SPAG17: variants seen among roughly 807,000 people sequenced by gnomAD.
The protein encoded by SPAG17 is sperm associated antigen 17, also known as sperm-associated antigen 17.
In SPAG17, 169 loss-of-function variants were observed where a neutral mutation model predicts 273.6. That is an observed-to-expected ratio of 0.62 (90% confidence interval 0.55 to 0.70). The LOEUF is 0.70. Ranked by LOEUF, SPAG17 falls within the 30% of genes least tolerant of loss-of-function variation. The probability of loss-of-function intolerance (pLI) is 0.00; values close to 1 mark genes in which losing one functional copy is unlikely to be tolerated. For missense variants in SPAG17, 2,557 were observed against 2,627.8 expected (o/e 0.97, Z 0.59); for synonymous variants, 825 against 873.2 (o/e 0.94, Z 0.97).
At chr1:118,054,504 T>C (rs1161727963) in intron 19 of SPAG17, among the ~76,000 whole-genome samples, 1 of 152,108 alleles carries the variant, frequency 6.6e-6, no homozygotes, top group East Asian at 1.9e-4. Flanking sequence ...TTTCCGTACT[T>C]GAGAGACCTG....
At position 118,184,452 on chromosome 1, in the gene SPAG17, C is replaced by T. The variant is rs547173806; in HGVS notation, c.87+619G>A. 3.9e-5 allele frequency among the ~76,000 whole-genome samples: 6 copies of T among 152,232 alleles called. No homozygotes were observed. The South Asian group carries it at 1.2e-3, about 32-fold the overall frequency. On this transcript the variant is annotated intron_variant, in intron 1 of 48. Coordinates refer to ENST00000336338, the MANE Select transcript of SPAG17 (RefSeq NM_206996.4). ...CCTGTGGTAGGTGGTTTGTAGATTG[C>T]CTGGTGCCTTTGTGGCATTCTGTGG...
At chr1:118,151,879 A>ATC (rs1659406067) in intron 1 of SPAG17, among the ~76,000 whole-genome samples, 1 of 152,220 alleles carries the variant, frequency 6.6e-6, no homozygotes, top group South Asian at 2.1e-4. Flanking sequence ...TAACACAGGA[A>ATC]TCTTACTGCT....
chr1:118,139,791 G>A (rs1658568231), intron 3 of SPAG17, among the ~76,000 whole-genome samples: 1 of 151,952 alleles, frequency 6.6e-6, no homozygotes, highest in African/African-American at 2.4e-5. Flanking sequence ...CAGAGACTGG[G>A]GGGTGGGGGG....
intron 4 of SPAG17, among the ~76,000 whole-genome samples, chr1:118,112,235 G>C (rs749102747): frequency 6.6e-6 from 1 of 151,564 alleles, no homozygotes; most frequent in Non-Finnish European, 1.5e-5. Flanking sequence ...TACAAAAGTT[G>C]AAGTTAAAAA....
At position 117,971,881 on chromosome 1, in the gene SPAG17, A is replaced by G; in HGVS notation, c.6308T>C (p.Val2103Ala). The G allele has an allele frequency of 6.2e-7, 1 of 1,613,460 alleles. No homozygotes were observed. The highest frequency in any genetic ancestry group is 8.5e-7 in the Non-Finnish European group (1 of 1,179,728). Residue 2103 changes from valine to alanine, a missense_variant, in exon 45 of 49, where the codon GTT (valine) becomes GCT (alanine). Coordinates refer to ENST00000336338, the MANE Select transcript of SPAG17 (RefSeq NM_206996.4). ...TYATVVKLKNVGVDFCRFKVK... is the reference protein window; with the variant it reads ...TYATVVKLKNAGVDFCRFKVK... Reference sequence around the variant, plus strand: ...GCCTCACCTGCAGAAGTCCACTCCAACATTCTTGAGCTTTACAACTGTGGC... The same window carrying G: ...GCCTCACCTGCAGAAGTCCACTCCAGCATTCTTGAGCTTTACAACTGTGGC...
intron 43 of SPAG17, among the ~76,000 whole-genome samples, chr1:117,979,613 C>A (rs1040220931): frequency 2.0e-5 from 3 of 152,136 alleles, no homozygotes; most frequent in African/African-American, 7.2e-5. Flanking sequence ...ATGTAACTAC[C>A]CTGCTCAAAA....
chr1:118,144,412 CT>C (rs1179793086), intron 3 of SPAG17, among the ~76,000 whole-genome samples: 1 of 152,196 alleles, frequency 6.6e-6, no homozygotes, highest in Non-Finnish European at 1.5e-5. Context: ...ATTACTATTT[CT>C]CCTCTTCTTT....
chr1:118,061,358 C>G (rs1459839662), intron 18 of SPAG17, among the ~76,000 whole-genome samples: 1 of 152,102 alleles, frequency 6.6e-6, no homozygotes, highest in Admixed American at 6.6e-5. Flanking sequence ...TAGCATTCAG[C>G]CTTAAAAAGG....
chr1:117,954,014 G>GTAAT lies in SPAG17; in HGVS notation c.*35_*36insATTA. On this transcript the variant is annotated 3_prime_UTR_variant, in exon 49 of 49. Coordinates refer to ENST00000336338, the MANE Select transcript of SPAG17 (RefSeq NM_206996.4). Reference sequence around the variant, plus strand: ...CTTTCTCATCCTCTGTAGGCTGAGAGGATTATGGAGGCTATTGAGTTGTAC... The same window carrying GTAAT: ...CTTTCTCATCCTCTGTAGGCTGAGAGTAATGATTATGGAGGCTATTGAGTTGTAC... 6.2e-7 allele frequency: 1 copy of GTAAT among 1,611,140 alleles called. No individual in the cohort carries two copies. The highest frequency in any genetic ancestry group is 8.5e-7 in the Non-Finnish European group (1 of 1,178,430).
At chr1:118,056,895 T>C (rs1651741521) in intron 18 of SPAG17, among the ~76,000 whole-genome samples, 2 of 152,190 alleles carry the variant, frequency 1.3e-5, no homozygotes, top group Admixed American at 6.5e-5. Flanking sequence ...CTGGCATTTT[T>C]AGTTGATGGC....
intron 28 of SPAG17, among the ~76,000 whole-genome samples, chr1:118,019,974 A>G (rs1285009579): frequency 6.6e-6 from 1 of 152,252 alleles, no homozygotes; most frequent in African/African-American, 2.4e-5. Context: ...TTATTAAAAT[A>G]TTCACCTATT....
At chr1:118,021,869 G>T (rs1660530761) in intron 28 of SPAG17, among the ~76,000 whole-genome samples, 1 of 152,050 alleles carries the variant, frequency 6.6e-6, no homozygotes, top group Admixed American at 6.6e-5. Flanking sequence ...ACAAAAGAGG[G>T]AACCCTTGAG....
chr1:118,089,782 C>T (rs992209637), intron 10 of SPAG17, among the ~76,000 whole-genome samples: 5 of 152,192 alleles, frequency 3.3e-5, no homozygotes, highest in South Asian at 2.1e-4. Flanking sequence ...ATGGGTGATA[C>T]GGTTTGGCTC....
At chr1:117,969,079 T>C (rs928139269) in intron 46 of SPAG17, among the ~76,000 whole-genome samples, 1 of 152,228 alleles carries the variant, frequency 6.6e-6, no homozygotes, top group Non-Finnish European at 1.5e-5. Flanking sequence ...AAGACAAATG[T>C]GACTTTATTT....
At chr1:118,045,954 G>A (rs1006926354) in intron 20 of SPAG17, among the ~76,000 whole-genome samples, 3 of 152,146 alleles carry the variant, frequency 2.0e-5, no homozygotes, top group African/African-American at 7.2e-5. Flanking sequence ...AACTTCTAGA[G>A]CAAATACTCC....
intron 41 of SPAG17, 128 bp downstream of exon 41, chr1:117,984,555 G>A (rs1322960030): frequency 3.2e-6 from 2 of 626,328 alleles, no homozygotes; most frequent in Non-Finnish European, 5.5e-6. Flanking sequence ...AAGGGTACAG[G>A]TTAGTCAGCC....
At position 117,988,191 on chromosome 1, in the gene SPAG17, T is replaced by C. The variant is rs1364258557; in HGVS notation, c.5535A>G (p.Leu1845=). The change falls in exon 39 of 49, where the codon CTA becomes CTG. Residue 1845 remains leucine, a synonymous_variant. Coordinates refer to ENST00000336338, the MANE Select transcript of SPAG17 (RefSeq NM_206996.4). ...KSHVTEVAAH[L]TDLFKQSLAT... is the part of the protein sequence containing the mutation. Reference sequence around the variant, plus strand: ...CCAAAGACTGCTTGAATAAATCAGTTAGGTGAGCTGCAACTTTAAACATAG... The same window carrying C: ...CCAAAGACTGCTTGAATAAATCAGTCAGGTGAGCTGCAACTTTAAACATAG... 1 of 1,597,926 alleles carries C rather than the reference T, an allele frequency of 6.3e-7. No homozygotes were observed. Among genetic ancestry groups the C allele is most frequent in the Non-Finnish European group, 8.5e-7 (1 of 1,175,552 alleles).
At chr1:118,066,070 T>C (rs1324975363) in intron 18 of SPAG17, among the ~76,000 whole-genome samples, 1 of 152,164 alleles carries the variant, frequency 6.6e-6, no homozygotes, top group Non-Finnish European at 1.5e-5. Context: ...CTTTAAAATG[T>C]GTGTGTGCCC....
At chr1:118,104,405 G>A (rs1424445513) in intron 4 of SPAG17, among the ~76,000 whole-genome samples, 1 of 152,198 alleles carries the variant, frequency 6.6e-6, no homozygotes, top group African/African-American at 2.4e-5. Context: ...TGTCAACTTT[G>A]AGATGCCTCT....
Sources: gnomAD v4.1 joint callset for allele counts (sites outside exome capture counted in the v4.1 genomes callset) on GRCh38, gnomAD v4.1.1 for gene constraint, MANE v1.5 for transcripts, NCBI Gene and HGNC (gene_info 2026-07-23, HGNC 2026-07-21) for gene names.